Variants in MAMLD1 observed in about 807,000 individuals in gnomAD.
MAMLD1 encodes the protein mastermind-like domain-containing protein 1.
In MAMLD1, 14 loss-of-function variants were observed where a neutral mutation model predicts 45.0. That is an observed-to-expected ratio of 0.31 (90% CI 0.21 to 0.49). The LOEUF (loss-of-function observed/expected upper bound fraction) is 0.49. Ranked by LOEUF, MAMLD1 falls within the 20% of genes least tolerant of loss-of-function variation. MAMLD1 has a pLI of 0.99. For missense variants in MAMLD1, 543 were observed against 603.6 expected (o/e 0.90, Z 1.05); for synonymous variants, 254 against 247.8 (o/e 1.02, Z -0.24).
At chrX:150,392,519 G>T (rs2033228982) in intron 1 of MAMLD1, among the ~76,000 whole-genome samples, 1 of 110,812 alleles carries the variant, frequency 9.0e-6, no homozygotes, top group African/African-American at 3.3e-5. Context: ...TGGGGAAGTG[G>T]TAGCATGCTT....
At position 150,487,225 on chromosome X, in the gene MAMLD1, C is replaced by A. The variant is rs2037020757; in HGVS notation, c.2040+13423C>A. On this transcript the variant is annotated intron_variant, in intron 5 of 7. Coordinates refer to ENST00000370401, the MANE Select transcript of MAMLD1 (RefSeq NM_005491.5). ...CAGGGATTTTTCTTAGCTATCTCTTCTGCTCTATACTGACTTATGATGGAT... is the reference window on the plus strand; with the variant it reads ...CAGGGATTTTTCTTAGCTATCTCTTATGCTCTATACTGACTTATGATGGAT... Among the ~76,000 whole-genome samples the A allele has an allele frequency of 4.5e-5, 5 of 111,718 alleles. No homozygotes were observed. In the South Asian group the frequency reaches 1.9e-3, roughly 41 times the overall value.
At chrX:150,504,283 C>A in intron 6 of MAMLD1, 1 of 752,826 alleles carries the variant, frequency 1.3e-6, no homozygotes, top group Non-Finnish European at 1.6e-6. Context: ...TATCAATGTG[C>A]ACAGGATGTC....
chrX:150,495,860 C>G (rs142909536), intron 5 of MAMLD1, among the ~76,000 whole-genome samples: 2 of 112,702 alleles, frequency 1.8e-5, no homozygotes, highest in African/African-American at 6.4e-5. Context: ...CAGTTTTCTC[C>G]TCTGCTGTCT....
intron 1 of MAMLD1, among the ~76,000 whole-genome samples, chrX:150,382,654 CA>C (rs1278944657): frequency 1.8e-5 from 2 of 110,670 alleles, no homozygotes; most frequent in East Asian, 5.6e-4. Context: ...TTTATGAGCA[CA>C]AAAAAGGTGT....
At chrX:150,401,933 A>C (rs2033787473) in intron 1 of MAMLD1, among the ~76,000 whole-genome samples, 1 of 111,126 alleles carries the variant, frequency 9.0e-6, no homozygotes, top group African/African-American at 3.3e-5. Flanking sequence ...AGATGGATTA[A>C]AGACTTAAAC....
chrX:150,506,864 A>T (rs1557408856), intron 6 of MAMLD1, among the ~76,000 whole-genome samples: 1 of 112,442 alleles, frequency 8.9e-6, no homozygotes, highest in East Asian at 2.8e-4. Context: ...ACCCCCAGGG[A>T]CAGGTGGGGG....
rs1329096756 is a variant in MAMLD1, at chrX:150,444,715, C to G, written c.-63-739C>G. On this transcript the variant is annotated intron_variant, in intron 1 of 7. Coordinates refer to ENST00000370401, the MANE Select transcript of MAMLD1 (RefSeq NM_005491.5). Reference sequence around the variant, plus strand: ...TAGAGCTGTCCTTATATATTAATGTCTTAGTGGAGCTCTTATTTCATGTCT... The same window carrying G: ...TAGAGCTGTCCTTATATATTAATGTGTTAGTGGAGCTCTTATTTCATGTCT... Among the ~76,000 whole-genome samples, 4 of 111,604 alleles carry G rather than the reference C, an allele frequency of 3.6e-5. 1 individual carries two copies. The highest frequency in any genetic ancestry group is 7.5e-5 in the Non-Finnish European group (4 of 53,131).
At chrX:150,467,492 C>T (rs1557406029) in intron 3 of MAMLD1, among the ~76,000 whole-genome samples, 1 of 111,988 alleles carries the variant, frequency 8.9e-6, no homozygotes, top group East Asian at 2.8e-4. Flanking sequence ...ATTGTGCCTG[C>T]TCTACACCTC....
At chrX:150,364,120 G>A (rs1256892779) in intron 1 of MAMLD1, among the ~76,000 whole-genome samples, 1 of 112,995 alleles carries the variant, frequency 8.8e-6, no homozygotes, top group African/African-American at 3.2e-5. Flanking sequence ...CTGGTGTTCA[G>A]GGCAGCCCGG....
In MAMLD1 at chrX:150,470,279, A is replaced by G. The variant is rs1160519039; in HGVS notation, c.706A>G (p.Ser236Gly). The G allele has an allele frequency of 1.1e-5, 13 of 1,208,079 alleles. No individual in the cohort carries two copies. The highest frequency in any genetic ancestry group is 2.3e-4 in the Middle Eastern group (1 of 4,362). Residue 236 changes from serine to glycine, a missense_variant, in exon 4 of 8, where the codon AGC becomes GGC. By Grantham distance (56) the Ser-to-Gly change is moderately conservative (BLOSUM62 0). Transcript: ENST00000370401. ...GTCACACTTGGAGAGCCTGGCTTCC[A>G]GCAAGGAGTTTGCTTCTAGTTGCAG... The part of the protein sequence containing the change: ...QMSHLESLAS[S>G]KEFASSCSQV...
At chrX:150,407,007 G>A (rs1351231525) in intron 1 of MAMLD1, among the ~76,000 whole-genome samples, 2 of 110,862 alleles carry the variant, frequency 1.8e-5, no homozygotes, top group Non-Finnish European at 3.8e-5. Context: ...GCTCTCAGGA[G>A]AACCTCTCTA....
chrX:150,455,936 C>T (rs972189274), intron 2 of MAMLD1, among the ~76,000 whole-genome samples: 1 of 110,617 alleles, frequency 9.0e-6, no homozygotes, highest in African/African-American at 3.3e-5. Context: ...GCTACCCTAA[C>T]GTATATCATA....
chrX:150,385,186 T>C (rs1241775142), intron 1 of MAMLD1, among the ~76,000 whole-genome samples: 1 of 110,936 alleles, frequency 9.0e-6, no homozygotes, highest in African/African-American at 3.3e-5. Flanking sequence ...ATTATTTGTC[T>C]TCTTTGTCTG....
At chrX:150,431,503 A>G (rs1577363) in intron 1 of MAMLD1, among the ~76,000 whole-genome samples, 1,712 of 109,178 alleles carry the variant, frequency 0.016, 91 homozygotes, top group Admixed American at 0.15. Context: ...TGTACAGGTT[A>G]TTTTGCCACC....
rs868922297 is a variant in MAMLD1, at chrX:150,512,919, T to C, written c.*960T>C. The C allele has an allele frequency of 8.7e-6, 10 of 1,156,011 alleles. No individual in the cohort carries two copies. Among genetic ancestry groups the C allele is most frequent in the South Asian group, 5.7e-5 (3 of 52,751 alleles). ...CCTGACTGCAATGAGGTAGATTTCATTGAAGCTCTCTTGAAAGGCTCCTGT... is the reference window on the plus strand; with the variant it reads ...CCTGACTGCAATGAGGTAGATTTCACTGAAGCTCTCTTGAAAGGCTCCTGT... On this transcript the variant is annotated 3_prime_UTR_variant, in exon 8 of 8. Coordinates refer to ENST00000370401, the MANE Select transcript of MAMLD1 (RefSeq NM_005491.5).
chrX:150,393,951 C>A (rs966741622), intron 1 of MAMLD1, among the ~76,000 whole-genome samples: 6 of 109,856 alleles, frequency 5.5e-5, no homozygotes, highest in African/African-American at 1.7e-4. Context: ...GTTATTAATT[C>A]TTTCTTTCAT....
At chrX:150,462,276 C>T (rs2036064817) in intron 2 of MAMLD1, among the ~76,000 whole-genome samples, 1 of 112,143 alleles carries the variant, frequency 8.9e-6, no homozygotes, top group South Asian at 3.7e-4. Context: ...AAATTGGGAT[C>T]CCTGCACCGA....
intron 3 of MAMLD1, among the ~76,000 whole-genome samples, chrX:150,467,848 A>G (rs1557406062): frequency 1.8e-5 from 2 of 112,312 alleles, no homozygotes; most frequent in African/African-American, 6.5e-5. Flanking sequence ...TTGGACTCCC[A>G]GAACCCTTCC....
chrX:150,485,105 A>G (rs781963106), intron 5 of MAMLD1, among the ~76,000 whole-genome samples: 9 of 110,865 alleles, frequency 8.1e-5, no homozygotes, highest in African/African-American at 2.9e-4. Flanking sequence ...TCTTTTCCAA[A>G]CAATCTACTT....
Sources: gnomAD v4.1 joint callset for allele counts (sites outside exome capture counted in the v4.1 genomes callset) on GRCh38, gnomAD v4.1.1 for gene constraint, MANE v1.5 for transcripts, NCBI Gene and HGNC (gene_info 2026-07-23, HGNC 2026-07-21) for gene names.